HDAC4: variants seen among roughly 807,000 people sequenced by gnomAD.
HDAC4 encodes the protein histone deacetylase 4.
In HDAC4, 16 loss-of-function variants were observed where a neutral mutation model predicts 135.1. That is an observed-to-expected ratio of 0.12 (90% CI 0.08 to 0.18). The LOEUF (loss-of-function observed/expected upper bound fraction) is 0.18, where lower values mean the gene tolerates loss of function less well. Among genes scored for constraint, HDAC4 ranks in the 10% least tolerant of loss-of-function variants. HDAC4 has a pLI of 1.00. For synonymous variants in HDAC4, 685 were observed against 653.4 expected, an observed-to-expected ratio of 1.05 and a Z score of -0.74; for missense variants, 1,143 against 1,511.8, an observed-to-expected ratio of 0.76 and a Z score of 4.05.
chr2:239,379,684 C>T (rs545270867), intron 1 of HDAC4, among the ~76,000 whole-genome samples: 1 of 152,268 alleles, frequency 6.6e-6, no homozygotes, highest in South Asian at 2.1e-4. Context: ...GGCACCATTC[C>T]CCTGGCAGCC....
At chr2:239,213,769 A>T (rs929846224) in intron 3 of HDAC4, among the ~76,000 whole-genome samples, 1 of 152,266 alleles carries the variant, frequency 6.6e-6, no homozygotes, top group African/African-American at 2.4e-5. Flanking sequence ...TGACAGGGAC[A>T]GAGTGAGCCT....
At chr2:239,064,649 A>C (rs2033236925) in intron 24 of HDAC4, among the ~76,000 whole-genome samples, 1 of 152,198 alleles carries the variant, frequency 6.6e-6, no homozygotes, top group African/African-American at 2.4e-5. Context: ...GTTAGCAGCG[A>C]GTTACCAACC....
At position 239,240,372 on chromosome 2, in the gene HDAC4, G is replaced by C. The variant is rs533341774; in HGVS notation, c.23-3708C>G. Among the ~76,000 whole-genome samples, 1 of 152,352 alleles carries C rather than the reference G, an allele frequency of 6.6e-6. No individual in the cohort carries two copies. Among genetic ancestry groups the C allele is most frequent in the Non-Finnish European group, 1.5e-5 (1 of 68,038 alleles). On this transcript the variant is annotated intron_variant, in intron 2 of 26. Transcript: ENST00000543185. This position sits in a 1 kb window ranked among gnomAD's most constrained non-coding sequence, Gnocchi z 4.5. ...AGATTCTTAACGCTGTGTTTTTTCA[G>C]ATATCATATTCCAGAGTGAGTTAAA...
chr2:239,202,980 G>A (rs2045848453), intron 3 of HDAC4, among the ~76,000 whole-genome samples: 1 of 152,178 alleles, frequency 6.6e-6, no homozygotes, highest in South Asian at 2.1e-4. Flanking sequence ...CCTGGATGTA[G>A]GCTACGGGGT....
intron 1 of HDAC4, among the ~76,000 whole-genome samples, chr2:239,379,981 C>T (rs1239989985): frequency 1.3e-5 from 2 of 152,224 alleles, no homozygotes; most frequent in Non-Finnish European, 2.9e-5. Flanking sequence ...CTCCATCTGG[C>T]CCGTGGTGGA....
At chr2:239,192,388 T>C (rs1045351512) in intron 3 of HDAC4, among the ~76,000 whole-genome samples, 6 of 152,090 alleles carry the variant, frequency 3.9e-5, no homozygotes, top group African/African-American at 9.7e-5. Context: ...TATAGCAAAA[T>C]GGAAAAACTG....
chr2:239,080,677 GAATA>G (rs1291322541), intron 22 of HDAC4, among the ~76,000 whole-genome samples: 4 of 152,308 alleles, frequency 2.6e-5, no homozygotes, highest in African/African-American at 9.6e-5. Context: ...TGATTTTTAG[GAATA>G]AATAAAGAAG....
chr2:239,256,073 T>A (rs1436295924), intron 2 of HDAC4, among the ~76,000 whole-genome samples: 1 of 152,240 alleles, frequency 6.6e-6, no homozygotes, highest in Non-Finnish European at 1.5e-5. Context: ...GCAAACAGCA[T>A]CTGTTCTGCA....
At chr2:239,276,710 T>G (rs1217486803) in intron 2 of HDAC4, among the ~76,000 whole-genome samples, 4 of 152,116 alleles carry the variant, frequency 2.6e-5, no homozygotes, top group Non-Finnish European at 5.9e-5. Flanking sequence ...ACCCGCTGTC[T>G]GCTGCCTGGA....
At chr2:239,399,169 G>C (rs1696768298) in intron 1 of HDAC4, among the ~76,000 whole-genome samples, 1 of 152,122 alleles carries the variant, frequency 6.6e-6, no homozygotes, top group South Asian at 2.1e-4. Flanking sequence ...ACAGATTTTA[G>C]AATTCACAAG....
At position 239,123,227 on chromosome 2, in the gene HDAC4, C is replaced by T. The variant is rs13399836; in HGVS notation, c.1533+3229G>A. The stretch of plus-strand genomic sequence containing the variant: ...CAAACCTAAGTTGGCATTAGGAAGA[C>T]GGATGTGAAAGTGCTTTTGACACCT... On this transcript the variant is annotated intron_variant, in intron 12 of 26. Coordinates refer to ENST00000543185, the MANE Select transcript of HDAC4 (RefSeq NM_001378414.1). Among the ~76,000 whole-genome samples the T allele has an allele frequency of 8.4e-3, 1,283 of 152,370 alleles. 16 individuals carry two copies. Among genetic ancestry groups the T allele is most frequent in the African/African-American group, 0.024 (982 of 41,590 alleles).
intron 1 of HDAC4, among the ~76,000 whole-genome samples, chr2:239,378,409 G>A (rs1308292266): frequency 6.6e-6 from 1 of 152,164 alleles, no homozygotes; most frequent in African/African-American, 2.4e-5. Flanking sequence ...TGAGTCACAT[G>A]CTCAACGTGA....
At chr2:239,076,557 C>T (rs1306663011) in intron 22 of HDAC4, among the ~76,000 whole-genome samples, 1 of 152,106 alleles carries the variant, frequency 6.6e-6, no homozygotes, top group African/African-American at 2.4e-5. Context: ...TCAGAGCAAA[C>T]CGAGCTTATG....
At chr2:239,243,155 CT>C (rs1285513656) in intron 2 of HDAC4, among the ~76,000 whole-genome samples, 3,098 of 141,262 alleles carry the variant, frequency 0.022, 75 homozygotes, top group African/African-American at 0.069. Context: ...ATTAACATTC[CT>C]TTTTTTTTTT....
intron 1 of HDAC4, among the ~76,000 whole-genome samples, chr2:239,389,208 G>A (rs962802789): frequency 2.0e-5 from 3 of 152,186 alleles, no homozygotes; most frequent in African/African-American, 7.2e-5. Flanking sequence ...CGTGGGTGGG[G>A]ACAAATAACG....
At position 239,262,971 on chromosome 2, in the gene HDAC4, C is replaced by G. The variant is rs368988967; in HGVS notation, c.23-26307G>C. Reference sequence around the variant, plus strand: ...ACGAAAGATCTACGCGTGAAGCCCCCGGGAAGCCAAGCCCCAGGAAGGGCC... The same window carrying G: ...ACGAAAGATCTACGCGTGAAGCCCCGGGGAAGCCAAGCCCCAGGAAGGGCC... On this transcript the variant is annotated intron_variant, in intron 2 of 26. Transcript: ENST00000543185. This position sits in a 1 kb window ranked among gnomAD's most constrained non-coding sequence, Gnocchi z 4.1. Among the ~76,000 whole-genome samples, 1 of 151,998 alleles carries G rather than the reference C, an allele frequency of 6.6e-6. No homozygotes were observed. The highest frequency in any genetic ancestry group is 2.4e-5 in the African/African-American group (1 of 41,432).
chr2:239,055,005 A>ATAT (rs1559343492), intron 24 of HDAC4, among the ~76,000 whole-genome samples, 172 bp from the exon 25 acceptor site: 5 of 117,832 alleles, frequency 4.2e-5, no homozygotes, highest in African/African-American at 1.7e-4. Flanking sequence ...TGGTATTTAT[A>ATAT]ATTTTTTTGT....
chr2:239,316,594 C>A (rs1426627645), intron 2 of HDAC4, among the ~76,000 whole-genome samples: 15 of 152,128 alleles, frequency 9.9e-5, no homozygotes, highest in Non-Finnish European at 1.5e-5. Flanking sequence ...TACCAATGGG[C>A]CCTAGGTAAG....
chr2:239,107,623 A>G (rs2038271999), intron 15 of HDAC4, among the ~76,000 whole-genome samples: 2 of 152,260 alleles, frequency 1.3e-5, no homozygotes, highest in Admixed American at 1.3e-4. Flanking sequence ...TTATTTTAAC[A>G]AAAAGCCAAC....
Sources: allele counts gnomAD v4.1 joint callset (sites outside exome capture counted in the v4.1 genomes callset), GRCh38; gene constraint gnomAD v4.1.1; non-coding constraint Gnocchi (gnomAD v3.1); transcripts MANE v1.5; gene names NCBI Gene and HGNC (gene_info 2026-07-23, HGNC 2026-07-21).